The following AAGAB variants were observed in gnomAD, a reference collection of about 807,000 sequenced individuals.
AAGAB encodes alpha- and gamma-adaptin-binding protein p34.
AAGAB carries 38 observed loss-of-function variants against 44.1 expected under a neutral mutation model. The ratio of observed to expected loss-of-function variants is 0.86; its 90% CI spans 0.67 to 1.13. AAGAB has a LOEUF of 1.13. Ranked by LOEUF, AAGAB falls within the 50% of genes most tolerant of loss-of-function variation. The probability of loss-of-function intolerance (pLI) is 0.00; values close to 1 mark genes in which losing one functional copy is unlikely to be tolerated. For synonymous variants in AAGAB, 131 were observed against 131.8 expected (o/e 0.99, Z 0.04); for missense variants, 450 against 373.8 (o/e 1.20, Z -1.68).
intron 5 of AAGAB, among the ~76,000 whole-genome samples, chr15:67,228,087 T>C (rs181790640): frequency 5.3e-5 from 8 of 152,344 alleles, no homozygotes; most frequent in Admixed American, 5.2e-4. Flanking sequence ...GGAAACACAT[T>C]TGACCACACT....
At chr15:67,213,882 GA>G (rs1376643854) in intron 5 of AAGAB, among the ~76,000 whole-genome samples, 2 of 152,162 alleles carry the variant, frequency 1.3e-5, no homozygotes, top group Non-Finnish European at 2.9e-5. Context: ...ACACACAATA[GA>G]AATAAACATA....
At chr15:67,216,997 TC>T (rs1317407424) in intron 5 of AAGAB, among the ~76,000 whole-genome samples, 1 of 152,120 alleles carries the variant, frequency 6.6e-6, no homozygotes, top group Non-Finnish European at 1.5e-5. Context: ...CTTATTTTTT[TC>T]CTCTTCCCCT....
chr15:67,222,581 C>T (rs1215043099), intron 5 of AAGAB, among the ~76,000 whole-genome samples: 2 of 152,100 alleles, frequency 1.3e-5, no homozygotes, highest in African/African-American at 4.8e-5. Flanking sequence ...CATCCACAAA[C>T]CCCCTTTCCC....
Position 67,202,634 on chromosome 15 carries a change from C to A in AAGAB, c.*187G>T. 1 of 598,622 alleles carries A rather than the reference C, an allele frequency of 1.7e-6. No homozygotes were observed. The highest frequency in any genetic ancestry group is 3.0e-6 in the Non-Finnish European group (1 of 333,762). 37.1% of individuals were successfully genotyped at this position (598,622 alleles called of 1,614,324 possible). On this transcript the variant is annotated 3_prime_UTR_variant, in exon 10 of 10. Transcript: ENST00000261880. ...TATCACTGTATTCCTCACTCTCTTA[C>A]AATATACTGAGGAAAAAAAAGATTT...
At chr15:67,232,343 C>T (rs1006365033) in intron 4 of AAGAB, 4 of 178,938 alleles carry the variant, frequency 2.2e-5, no homozygotes, top group African/African-American at 9.6e-5. Flanking sequence ...TGTTAGTTCA[C>T]ATCATACAAG....
At chr15:67,203,420 T>C in intron 9 of AAGAB, 128 bp downstream of exon 9, 1 of 806,614 alleles carries the variant, frequency 1.2e-6, no homozygotes, top group Non-Finnish European at 1.9e-6. Context: ...TTTAATTAGT[T>C]AGAAGTTAAT....
intron 5 of AAGAB, among the ~76,000 whole-genome samples, chr15:67,228,932 T>G (rs746646495): frequency 1.3e-5 from 2 of 151,886 alleles, no homozygotes; most frequent in Admixed American, 6.6e-5. Context: ...AAACACTGAA[T>G]ACACATGGAG....
At chr15:67,213,773 T>G (rs896620132) in intron 5 of AAGAB, among the ~76,000 whole-genome samples, 1 of 152,230 alleles carries the variant, frequency 6.6e-6, no homozygotes, top group East Asian at 1.9e-4. Context: ...TAAGGGTTAG[T>G]AATAGATAAC....
chr15:67,254,804 C>T (rs1567038326), upstream of AAGAB: 2 of 1,416,920 alleles, frequency 1.4e-6, no homozygotes, highest in Non-Finnish European at 2.0e-6. Flanking sequence ...CCAGGTCGCG[C>T]GCGGTGTTGC....
chr15:67,235,879 G>A, intron 4 of AAGAB, 100 bp downstream of exon 4: 1 of 912,342 alleles, frequency 1.1e-6, no homozygotes, highest in South Asian at 1.7e-5. Context: ...AACAGCTGGG[G>A]AAAAAAGTTT....
At chr15:67,227,933 C>T (rs1964242005) in intron 5 of AAGAB, among the ~76,000 whole-genome samples, 1 of 151,894 alleles carries the variant, frequency 6.6e-6, no homozygotes, top group Admixed American at 6.6e-5. Flanking sequence ...CAAACTAATG[C>T]ACCAGTACTG....
At chr15:67,208,439 GT>G in intron 7 of AAGAB, 122 bp downstream of exon 7, 1 of 731,324 alleles carries the variant, frequency 1.4e-6, no homozygotes, top group Non-Finnish European at 2.3e-6. Flanking sequence ...TTCATGTGTG[GT>G]ATACTACCAA....
chr15:67,217,432 AATC>A (rs1261194515), intron 5 of AAGAB, among the ~76,000 whole-genome samples: 1 of 152,208 alleles, frequency 6.6e-6, no homozygotes, highest in African/African-American at 2.4e-5. Context: ...ATTTGTATTT[AATC>A]ATCATTTAGT....
At chr15:67,249,764 A>G (rs1480683427) in intron 1 of AAGAB, among the ~76,000 whole-genome samples, 2 of 152,368 alleles carry the variant, frequency 1.3e-5, no homozygotes, top group South Asian at 2.1e-4. Context: ...ATTCCTATGC[A>G]TATAAATCCT....
chr15:67,250,386 A>T (rs1964834076), intron 1 of AAGAB, among the ~76,000 whole-genome samples: 1 of 152,110 alleles, frequency 6.6e-6, no homozygotes, highest in Non-Finnish European at 1.5e-5. Context: ...CATGTTGGCC[A>T]GGCTGGTTTT....
rs371685408 is a variant in AAGAB, at chr15:67,204,089, C to A, written c.775G>T (p.Val259Leu). Residue 259 changes from valine (V) to leucine (L), a missense_variant, in exon 8 of 10, where the codon GTG (valine) becomes TTG (leucine). Physicochemically the swap from Val to Leu is conservative, Grantham distance 32. Coordinates refer to ENST00000261880, the MANE Select transcript of AAGAB (RefSeq NM_024666.5). ...GAAAAGAGTCTTTCAAAATTCTCCACATCTCCTCCTCCAGTGGTAAGACTG... is the reference window on the plus strand; with the variant it reads ...GAAAAGAGTCTTTCAAAATTCTCCAAATCTCCTCCTCCAGTGGTAAGACTG... ...LASLTTGGGD[V>L]ENFERLFSKL... 11 of 1,612,626 alleles carry A rather than the reference C, an allele frequency of 6.8e-6. No individual in the cohort carries two copies. In the African/African-American group the frequency reaches 1.5e-4, roughly 22 times the overall value.
chr15:67,223,589 T>C (rs2140362846), intron 5 of AAGAB, among the ~76,000 whole-genome samples: 1 of 152,288 alleles, frequency 6.6e-6, no homozygotes, highest in South Asian at 2.1e-4. Flanking sequence ...TCACTCTCTT[T>C]CATTTGGAAT....
At chr15:67,203,987 A>T in intron 8 of AAGAB, 57 bp downstream of exon 8, 2 of 1,076,988 alleles carry the variant, frequency 1.9e-6, no homozygotes, top group Admixed American at 1.9e-5. Context: ...AAATGCTACT[A>T]CGTAAAACAG....
intron 9 of AAGAB, 21 bp from the exon 10 acceptor site, chr15:67,202,919 C>G: frequency 6.2e-7 from 1 of 1,612,024 alleles, no homozygotes; most frequent in Non-Finnish European, 8.5e-7. Flanking sequence ...AAGCATGCAA[C>G]AAATTTTAGG....
Sources: allele counts gnomAD v4.1 joint callset (sites outside exome capture counted in the v4.1 genomes callset), GRCh38; gene constraint gnomAD v4.1.1; transcripts MANE v1.5; gene names NCBI Gene and HGNC (gene_info 2026-07-23, HGNC 2026-07-21).